GALNTL6: variants seen among roughly 807,000 people sequenced by gnomAD.
GALNTL6 encodes the protein polypeptide N-acetylgalactosaminyltransferase like 6.
In GALNTL6, 46 loss-of-function variants were observed where a neutral mutation model predicts 73.7. That is an observed-to-expected ratio of 0.62 (90% CI 0.49 to 0.80). The LOEUF is 0.80. Among genes scored for constraint, GALNTL6 ranks in the 30% least tolerant of loss-of-function variants. The pLI is 0.00. For synonymous variants in GALNTL6, 259 were observed against 263.7 expected (o/e 0.98, Z 0.17); for missense variants, 604 against 755.0 (o/e 0.80, Z 2.34).
Position 171,961,871 on chromosome 4 carries a change from C to G in GALNTL6, c.138+147153C>G, listed in dbSNP as rs548280922. Among the ~76,000 whole-genome samples, 12 of 152,254 alleles carry G rather than the reference C, an allele frequency of 7.9e-5. No homozygotes were observed. The East Asian group carries it at 1.9e-3, about 25-fold the overall frequency. On this transcript the variant is annotated intron_variant, in intron 2 of 12. Coordinates refer to ENST00000506823, the MANE Select transcript of GALNTL6 (RefSeq NM_001034845.3). ...CAACAGTTGCCCAGTTCATAGAAAG[C>G]CTTCTTAATTAGTTTACTCAGGATA...
intron 2 of GALNTL6, among the ~76,000 whole-genome samples, chr4:171,917,838 C>T (rs750060355): frequency 1.3e-5 from 2 of 152,204 alleles, no homozygotes; most frequent in Middle Eastern, 3.4e-3. Context: ...ATACTAATGA[C>T]ATTATATCCA....
intron 7 of GALNTL6, among the ~76,000 whole-genome samples, chr4:172,847,318 C>T (rs1159429877): frequency 1.3e-5 from 2 of 152,102 alleles, no homozygotes; most frequent in African/African-American, 4.8e-5. Flanking sequence ...CTCTTTGGAA[C>T]TAGCAATACA....
chr4:172,250,336 A>G (rs1737814835), intron 3 of GALNTL6, among the ~76,000 whole-genome samples: 1 of 152,126 alleles, frequency 6.6e-6, no homozygotes, highest in African/African-American at 2.4e-5. Flanking sequence ...GGCAGAAGGG[A>G]CTTGCCTTGA....
chr4:172,206,617 G>A (rs1736117256), intron 2 of GALNTL6, among the ~76,000 whole-genome samples: 1 of 151,962 alleles, frequency 6.6e-6, no homozygotes, highest in Non-Finnish European at 1.5e-5. Context: ...GCATTTTTGA[G>A]TAAGTGCCAT....
chr4:172,840,509 C>T (rs772646104), intron 7 of GALNTL6, among the ~76,000 whole-genome samples: 18 of 152,162 alleles, frequency 1.2e-4, no homozygotes, highest in Non-Finnish European at 2.5e-4. Context: ...TTATGACCAC[C>T]ATCCTGCTCA....
At chr4:171,982,592 C>A (rs758418406) in intron 2 of GALNTL6, among the ~76,000 whole-genome samples, 6 of 152,172 alleles carry the variant, frequency 3.9e-5, no homozygotes, top group Non-Finnish European at 8.8e-5. Context: ...GCCACCGCGC[C>A]CGACCGAAAG....
At chr4:173,038,052 C>CTAT (rs1753764720) in intron 12 of GALNTL6, among the ~76,000 whole-genome samples, 1 of 152,124 alleles carries the variant, frequency 6.6e-6, no homozygotes, top group Non-Finnish European at 1.5e-5. Flanking sequence ...CCCACATGAG[C>CTAT]TATTGATAAA....
intron 5 of GALNTL6, among the ~76,000 whole-genome samples, chr4:172,440,538 G>T (rs1731794612): frequency 6.6e-6 from 1 of 152,086 alleles, no homozygotes; most frequent in Non-Finnish European, 1.5e-5. Flanking sequence ...AAAATATTCT[G>T]CATGATACTA....
chr4:172,027,675 G>A (rs1368596092), intron 2 of GALNTL6, among the ~76,000 whole-genome samples: 1 of 152,104 alleles, frequency 6.6e-6, no homozygotes, highest in African/African-American at 2.4e-5. Context: ...CTTAGTTGAG[G>A]AAGGCATGTT....
intron 9 of GALNTL6, among the ~76,000 whole-genome samples, chr4:172,940,349 A>C (rs1365179791): frequency 1.3e-5 from 2 of 152,020 alleles, no homozygotes; most frequent in Admixed American, 1.3e-4. Context: ...ATTTATTTAT[A>C]GAATACAGAA....
intron 12 of GALNTL6, among the ~76,000 whole-genome samples, chr4:173,023,501 T>C (rs1274401793): frequency 2.6e-5 from 4 of 151,876 alleles, no homozygotes; most frequent in Non-Finnish European, 2.9e-5. Flanking sequence ...GACTAAAAAA[T>C]ACAAAATTAG....
intron 5 of GALNTL6, among the ~76,000 whole-genome samples, chr4:172,568,098 C>CTATT (rs550263694): frequency 3.9e-5 from 6 of 152,086 alleles, no homozygotes; most frequent in Non-Finnish European, 8.8e-5. Flanking sequence ...TATAAAAATC[C>CTATT]TATTTTCTGT....
At chr4:172,832,503 A>G (rs1189115635) in intron 7 of GALNTL6, among the ~76,000 whole-genome samples, 1 of 152,224 alleles carries the variant, frequency 6.6e-6, no homozygotes. Flanking sequence ...TCTGTGATAA[A>G]GTTTAAATTA....
At chr4:172,235,511 A>C (rs1212222872) in intron 3 of GALNTL6, among the ~76,000 whole-genome samples, 3 of 152,028 alleles carry the variant, frequency 2.0e-5, no homozygotes, top group Non-Finnish European at 4.4e-5. Context: ...CAGGACAAAA[A>C]TTTGTCACTT....
At chr4:172,400,826 T>C (rs2111323226) in intron 5 of GALNTL6, among the ~76,000 whole-genome samples, 1 of 152,248 alleles carries the variant, frequency 6.6e-6, no homozygotes, top group South Asian at 2.1e-4. Flanking sequence ...GAAGTCAGAC[T>C]TTAAAGAGCA....
At chr4:171,827,610 A>G (rs1460126553) in intron 2 of GALNTL6, among the ~76,000 whole-genome samples, 1 of 152,188 alleles carries the variant, frequency 6.6e-6, no homozygotes, top group Admixed American at 6.5e-5. Flanking sequence ...GCTAAAATCT[A>G]GAAACAGATA....
chr4:172,027,792 A>G (rs1741634160), intron 2 of GALNTL6, among the ~76,000 whole-genome samples: 1 of 152,162 alleles, frequency 6.6e-6, no homozygotes, highest in Non-Finnish European at 1.5e-5. Context: ...TACTCCAGTG[A>G]GTGCATGAAT....
At position 172,329,685 on chromosome 4, in the gene GALNTL6, G is replaced by T. The variant is rs139804980; in HGVS notation, c.386+17933G>T. On this transcript the variant is annotated intron_variant, in intron 4 of 12. Transcript: ENST00000506823. The stretch of plus-strand genomic sequence containing the variant: ...AGCTGCTGCACTGTGCCAGGAAACT[G>T]CTCCAGTCCCTAGTCACCTCAGACC... Among the ~76,000 whole-genome samples, 43 of 152,220 alleles carry T rather than the reference G, an allele frequency of 2.8e-4. No homozygotes were observed. In the East Asian group the frequency reaches 7.0e-3, roughly 25 times the overall value.
At chr4:172,399,961 C>G (rs1279415546) in intron 5 of GALNTL6, among the ~76,000 whole-genome samples, 1 of 152,120 alleles carries the variant, frequency 6.6e-6, no homozygotes, top group African/African-American at 2.4e-5. Flanking sequence ...ACTCCTACGC[C>G]ATTTGTTCTC....
Sources: gnomAD v4.1 joint callset for allele counts (sites outside exome capture counted in the v4.1 genomes callset) on GRCh38, gnomAD v4.1.1 for gene constraint, MANE v1.5 for transcripts, NCBI Gene and HGNC (gene_info 2026-07-23, HGNC 2026-07-21) for gene names.